SORCS2: variants seen among roughly 807,000 people sequenced by gnomAD.
SORCS2 encodes the protein sortilin related VPS10 domain containing receptor 2.
A neutral mutation model predicts 141.6 loss-of-function variants in SORCS2; 100 were observed. The observed-to-expected ratio is 0.71, with a 90% confidence interval of 0.60 to 0.83. The LOEUF (loss-of-function observed/expected upper bound fraction) is 0.83, where lower values mean the gene tolerates loss of function less well. SORCS2 is among the 40% of genes least tolerant of loss of function. The pLI is 0.00. For synonymous variants in SORCS2, 789 were observed against 676.9 expected, an observed-to-expected ratio of 1.17 and a Z score of -2.57; for missense variants, 1,646 against 1,560.2, an observed-to-expected ratio of 1.05 and a Z score of -0.93.
chr4:7,277,953 G>T (rs1158150702), intron 1 of SORCS2, among the ~76,000 whole-genome samples: 7 of 152,200 alleles, frequency 4.6e-5, no homozygotes, highest in African/African-American at 1.7e-4. Flanking sequence ...GCGGTGTACA[G>T]GGGAGTGTCT....
chr4:7,217,428 G>T (rs1728429460), intron 1 of SORCS2, among the ~76,000 whole-genome samples: 1 of 152,192 alleles, frequency 6.6e-6, no homozygotes, highest in Non-Finnish European at 1.5e-5. Context: ...CTGGCTCGTG[G>T]CCTCTGGGTC....
chr4:7,410,495 G>C (rs888285992), intron 2 of SORCS2, among the ~76,000 whole-genome samples: 4 of 152,148 alleles, frequency 2.6e-5, no homozygotes, highest in Non-Finnish European at 5.9e-5. Flanking sequence ...TAAACATTCA[G>C]ACCTCATTGT....
intron 3 of SORCS2, among the ~76,000 whole-genome samples, chr4:7,575,594 A>ATT (rs1715696640): frequency 6.6e-6 from 1 of 152,236 alleles, no homozygotes; most frequent in Admixed American, 6.5e-5. Context: ...AACAGTGCCA[A>ATT]GTATCAGTTT....
chr4:7,568,799 C>T (rs1715190609), intron 3 of SORCS2, among the ~76,000 whole-genome samples: 2 of 152,214 alleles, frequency 1.3e-5, no homozygotes, highest in Non-Finnish European at 2.9e-5. Flanking sequence ...ATTGCAATTA[C>T]AAGGTAGTGG....
At chr4:7,278,091 G>T (rs944547091) in intron 1 of SORCS2, among the ~76,000 whole-genome samples, 3 of 152,206 alleles carry the variant, frequency 2.0e-5, no homozygotes, top group African/African-American at 7.2e-5. Context: ...CAGAGCAGCA[G>T]CAGAGCCAGG....
chr4:7,458,447 G>A (rs1458307712), intron 2 of SORCS2, among the ~76,000 whole-genome samples: 2 of 152,118 alleles, frequency 1.3e-5, no homozygotes, highest in Non-Finnish European at 2.9e-5. Context: ...AAAGAAGGAT[G>A]TGGGGAAACC....
Position 7,403,242 on chromosome 4 carries a change from T to C in SORCS2, c.548+6887T>C, listed in dbSNP as rs569950714. 1.4e-4 allele frequency among the ~76,000 whole-genome samples: 22 copies of C among 152,296 alleles called. 1 individual carries two copies. The South Asian group carries it at 4.6e-3, about 32-fold the overall frequency. On this transcript the variant is annotated intron_variant, in intron 2 of 26. Coordinates refer to ENST00000507866, the MANE Select transcript of SORCS2 (RefSeq NM_020777.3). ...TTACTTTGGCCAAGGCTTGGCTGGG[T>C]GTTCAGGCTGTTGGCTGATGGGCTT...
intron 3 of SORCS2, among the ~76,000 whole-genome samples, chr4:7,597,739 G>A (rs1717377365): frequency 6.6e-6 from 1 of 151,672 alleles, no homozygotes; most frequent in African/African-American, 2.4e-5. Flanking sequence ...GGAAGAGGGG[G>A]CTATTGCAGT....
intron 1 of SORCS2, among the ~76,000 whole-genome samples, chr4:7,262,335 T>G (rs192248350): frequency 6.9e-6 from 1 of 144,770 alleles, no homozygotes; most frequent in Non-Finnish European, 1.5e-5. Flanking sequence ...TCCATCCATC[T>G]ATCCATCCAT....
Position 7,455,029 on chromosome 4 carries a change from GGGTC to G in SORCS2, c.548+58675_548+58678del, listed in dbSNP as rs1450000055. 7.5e-5 allele frequency among the ~76,000 whole-genome samples: 3 copies of G among 39,866 alleles called. 1 individual carries two copies. The highest frequency in any genetic ancestry group is 1.8e-4 in the African/African-American group (3 of 17,142). 26.2% of individuals were successfully genotyped at this position (39,866 alleles called of 152,430 possible). A position where few individuals can be genotyped will look rare whatever the true frequency, so the allele number is the denominator to read the frequency against. On this transcript the variant is annotated intron_variant, in intron 2 of 26. Coordinates refer to ENST00000507866, the MANE Select transcript of SORCS2 (RefSeq NM_020777.3). ...CACGTTAGGGTCAGGCAGTGTGTTGGGGTCAGGTGCTGTGTGTTGGGGTCAGATG... is the reference window on the plus strand; with the variant it reads ...CACGTTAGGGTCAGGCAGTGTGTTGGAGGTGCTGTGTGTTGGGGTCAGATG...
chr4:7,513,289 A>G (rs1483548385), intron 2 of SORCS2, among the ~76,000 whole-genome samples: 1 of 152,232 alleles, frequency 6.6e-6, no homozygotes, highest in East Asian at 1.9e-4. Flanking sequence ...TGGAAGCCAT[A>G]GCCACAGCCC....
At chr4:7,590,889 T>C (rs762546039) in intron 3 of SORCS2, among the ~76,000 whole-genome samples, 14 of 152,218 alleles carry the variant, frequency 9.2e-5, no homozygotes, top group South Asian at 2.1e-4. Flanking sequence ...ACAGAAACCA[T>C]AGATAGCTAC....
At position 7,308,234 on chromosome 4, in the gene SORCS2, G is replaced by A. The variant is rs561008913; in HGVS notation, c.481-88054G>A. ...TTAGGGATCAGTGTTTTCCACTCCA[G>A]GATGGAGGTCAGTGCCCGGTGGGGC... On this transcript the variant is annotated intron_variant, in intron 1 of 26. Coordinates refer to ENST00000507866, the MANE Select transcript of SORCS2 (RefSeq NM_020777.3). 2.0e-5 allele frequency among the ~76,000 whole-genome samples: 3 copies of A among 152,284 alleles called. No individual in the cohort carries two copies. The South Asian group carries it at 6.2e-4, about 32-fold the overall frequency.
At chr4:7,457,391 C>T (rs1245060253) in intron 2 of SORCS2, among the ~76,000 whole-genome samples, 5 of 152,250 alleles carry the variant, frequency 3.3e-5, no homozygotes, top group East Asian at 1.9e-4. Context: ...GCCAGGGAGC[C>T]GCGTGCCCCA....
intron 1 of SORCS2, among the ~76,000 whole-genome samples, chr4:7,221,943 G>A (rs1728727765): frequency 6.6e-6 from 1 of 152,230 alleles, no homozygotes; most frequent in Admixed American, 6.5e-5. Context: ...TAGCATGGGA[G>A]AGAGACAGAA....
intron 2 of SORCS2, among the ~76,000 whole-genome samples, chr4:7,517,371 T>C (rs1733054979): frequency 6.6e-6 from 1 of 152,236 alleles, no homozygotes; most frequent in South Asian, 2.1e-4. Context: ...AATTTTTGTA[T>C]CTTATATGTA....
intron 1 of SORCS2, among the ~76,000 whole-genome samples, chr4:7,321,171 A>G (rs1718869927): frequency 1.3e-5 from 2 of 152,144 alleles, no homozygotes; most frequent in Non-Finnish European, 2.9e-5. Context: ...CTTAGCTCCC[A>G]TTTATAAGTG....
intron 1 of SORCS2, among the ~76,000 whole-genome samples, chr4:7,248,150 C>A (rs988422166): frequency 2.6e-5 from 4 of 152,338 alleles, no homozygotes; most frequent in South Asian, 4.1e-4. Flanking sequence ...GTGTGGCCCC[C>A]CTACCGAGGG....
At chr4:7,265,428 G>C (rs578112515) in intron 1 of SORCS2, among the ~76,000 whole-genome samples, 9 of 152,252 alleles carry the variant, frequency 5.9e-5, no homozygotes, top group Non-Finnish European at 8.8e-5. Context: ...GAGGCAGAGG[G>C]TGCAGTGAGC....
Sources: allele counts gnomAD v4.1 joint callset (sites outside exome capture counted in the v4.1 genomes callset), GRCh38; gene constraint gnomAD v4.1.1; transcripts MANE v1.5; gene names NCBI Gene and HGNC (gene_info 2026-07-23, HGNC 2026-07-21).